GLP2R: variants seen among roughly 807,000 people sequenced by gnomAD.
GLP2R encodes glucagon-like peptide 2 receptor.
In GLP2R, 59 loss-of-function variants were observed where a neutral mutation model predicts 68.2. That is an observed-to-expected ratio of 0.87 (90% CI 0.70 to 1.07). GLP2R has a LOEUF of 1.07. Among genes scored for constraint, GLP2R ranks in the 50% least tolerant of loss-of-function variants. The pLI is 0.00. For missense variants in GLP2R, 548 were observed against 677.4 expected (o/e 0.81, Z 2.12); for synonymous variants, 270 against 265.4 (o/e 1.02, Z -0.17).
At chr17:9,846,974 A>G (rs1014429814) in intron 4 of GLP2R, among the ~76,000 whole-genome samples, 4 of 152,204 alleles carry the variant, frequency 2.6e-5, no homozygotes, top group Non-Finnish European at 5.9e-5. Flanking sequence ...AATGTTAACA[A>G]CAGGCTCCCT....
Position 9,825,967 on chromosome 17 carries a change from C to T in GLP2R, c.-97C>T. On this transcript the variant is annotated 5_prime_UTR_variant, in exon 1 of 13. Coordinates refer to ENST00000262441, the MANE Select transcript of GLP2R (RefSeq NM_004246.3). ...GTGGAGAGGATTTGTGCAAACATTT[C>T]CTCTGTGGACCAAGAGGAATGCAAG... The T allele has an allele frequency of 1.0e-6, 1 of 1,001,236 alleles. No individual in the cohort carries two copies. Among genetic ancestry groups the T allele is most frequent in the Non-Finnish European group, 1.5e-6 (1 of 668,804 alleles). The allele number at this position is 1,001,236 out of a possible 1,614,324, so 62.0% of individuals were successfully genotyped here. A position where few individuals can be genotyped will look rare whatever the true frequency, so the allele number is the denominator to read the frequency against.
chr17:9,888,714 G>C (rs1354925773), intron 12 of GLP2R, among the ~76,000 whole-genome samples: 1 of 152,170 alleles, frequency 6.6e-6, no homozygotes, highest in African/African-American at 2.4e-5. Context: ...TAATCCACCT[G>C]CTTCAGCCTC....
At chr17:9,869,809 C>T (rs2067075962) in intron 9 of GLP2R, among the ~76,000 whole-genome samples, 1 of 152,186 alleles carries the variant, frequency 6.6e-6, no homozygotes, top group South Asian at 2.1e-4. Flanking sequence ...TCACATAGCA[C>T]CACTTCTATG....
At position 9,889,700 on chromosome 17, in the gene GLP2R, A is replaced by G. The variant is rs964122904; in HGVS notation, c.1657A>G (p.Ile553Val). The G allele has an allele frequency of 1.9e-6, 3 of 1,547,982 alleles. No individual in the cohort carries two copies. The East Asian group carries it at 7.2e-5, about 37-fold the overall frequency. Residue 553 changes from isoleucine (I) to valine (V), a missense_variant, in exon 13 of 13, where the codon ATC becomes GTC. By Grantham distance (29) the Ile-to-Val change is conservative (BLOSUM62 3). Transcript: ENST00000262441. Reference protein sequence around the residue: ...TMEEILEESEI With the variant: ...TMEEILEESEV The stretch of plus-strand genomic sequence containing the variant: ...GGAGGAGATTCTGGAAGAGAGTGAG[A>G]TCTAGGGTGGAGTTCCACCACCCTG...
chr17:9,873,377 C>A (rs1035688644), intron 10 of GLP2R, among the ~76,000 whole-genome samples: 31 of 152,074 alleles, frequency 2.0e-4, no homozygotes, highest in Non-Finnish European at 4.3e-4. Flanking sequence ...TTCATCATAG[C>A]TCCTCATCAG....
intron 7 of GLP2R, among the ~76,000 whole-genome samples, chr17:9,860,879 T>C (rs2066981469): frequency 6.6e-6 from 1 of 152,180 alleles, no homozygotes; most frequent in Admixed American, 6.5e-5. Context: ...GAGATTCGGG[T>C]TAATATCCTT....
At chr17:9,834,870 G>A (rs2066712703) in intron 2 of GLP2R, 1 of 152,166 alleles carries the variant, frequency 6.6e-6, no homozygotes, top group Non-Finnish European at 1.5e-5. Context: ...GGTAAGGCAG[G>A]CTTTCATCCA....
intron 2 of GLP2R, among the ~76,000 whole-genome samples, chr17:9,835,084 A>G (rs578044039): frequency 7.5e-6 from 1 of 133,384 alleles, no homozygotes; most frequent in African/African-American, 2.9e-5. Context: ...GCTGGAGTGC[A>G]GTGGCGCGAT....
intron 9 of GLP2R, among the ~76,000 whole-genome samples, chr17:9,869,908 C>T (rs1459252231): frequency 6.6e-6 from 1 of 152,182 alleles, no homozygotes; most frequent in Non-Finnish European, 1.5e-5. Context: ...CTTTTGAAGG[C>T]AGAAGGGCCA....
At position 9,836,402 on chromosome 17, in the gene GLP2R, C is replaced by T. The variant is rs145472633; in HGVS notation, c.309C>T (p.Tyr103=). The T allele has an allele frequency of 6.6e-5, 106 of 1,610,728 alleles. No homozygotes were observed. Among genetic ancestry groups the T allele is most frequent in the Middle Eastern group, 1.6e-4 (1 of 6,076 alleles). Residue 103 remains tyrosine, a synonymous_variant, in exon 3 of 13, where the codon TAC becomes TAT. Coordinates refer to ENST00000262441, the MANE Select transcript of GLP2R (RefSeq NM_004246.3). The part of the protein sequence containing the change: ...GIFCNGTFDQ[Y]VCWPHSSPGN... ...TTTGTAACGGGACATTTGATCAGTA[C>T]GTGTGTTGGCCTCATTCTTCTCCTG... is the stretch of plus-strand genomic sequence containing the variant.
At chr17:9,858,662 T>C (rs2066955849) in intron 6 of GLP2R, among the ~76,000 whole-genome samples, 1 of 152,248 alleles carries the variant, frequency 6.6e-6, no homozygotes, top group African/African-American at 2.4e-5. Flanking sequence ...ACGAATCTAA[T>C]ATCCAGATTC....
At chr17:9,871,290 G>A (rs1443767549) in intron 10 of GLP2R, among the ~76,000 whole-genome samples, 1 of 151,456 alleles carries the variant, frequency 6.6e-6, no homozygotes, top group Non-Finnish European at 1.5e-5. Context: ...GAAGGTCGAG[G>A]CTGCAGTGAG....
chr17:9,865,500 T>G (rs1038524236), intron 9 of GLP2R, among the ~76,000 whole-genome samples: 4 of 152,194 alleles, frequency 2.6e-5, no homozygotes, highest in Non-Finnish European at 4.4e-5. Context: ...GATCTGGTTC[T>G]AAACTCCTTA....
At chr17:9,884,018 A>G (rs1186728864) in intron 11 of GLP2R, among the ~76,000 whole-genome samples, 1 of 152,242 alleles carries the variant, frequency 6.6e-6, no homozygotes, top group African/African-American at 2.4e-5. Flanking sequence ...ATTGTATAAA[A>G]TAATAACTAT....
At chr17:9,827,576 C>T (rs559527520) in intron 1 of GLP2R, among the ~76,000 whole-genome samples, 47 of 152,246 alleles carry the variant, frequency 3.1e-4, no homozygotes, top group African/African-American at 1.1e-3. Flanking sequence ...GTCCTCTTTC[C>T]AAGTTTCCAT....
chr17:9,839,983 C>CTTT lies in GLP2R; in HGVS notation c.383-2499_383-2497dup, dbSNP rs11387395. 1.4e-3 allele frequency among the ~76,000 whole-genome samples: 195 copies of CTTT among 139,356 alleles called. 3 individuals carry two copies. The highest frequency in any genetic ancestry group is 4.8e-3 in the African/African-American group (180 of 37,674). 91.4% of individuals were successfully genotyped at this position (139,356 alleles called of 152,430 possible). A position where few individuals can be genotyped will look rare whatever the true frequency, so the allele number is the denominator to read the frequency against. ...TCTCCCCTCTGCCTTTCTGAAGCCT[C>CTTT]TTTTTTTTTTTTTTTGGAGACAGAG... On this transcript the variant is annotated intron_variant, in intron 3 of 12. Transcript: ENST00000262441.
intron 2 of GLP2R, 77 bp downstream of exon 2, chr17:9,833,971 C>T (rs1268401314): frequency 1.3e-5 from 11 of 873,656 alleles, no homozygotes; most frequent in East Asian, 2.5e-5. Context: ...AATAACTAGT[C>T]ACTTATTACT....
At chr17:9,873,571 T>TTTTTTTTTTTTTTTG in intron 10 of GLP2R, among the ~76,000 whole-genome samples, 1 of 143,440 alleles carries the variant, frequency 7.0e-6, no homozygotes, top group African/African-American at 2.6e-5. Flanking sequence ...TTTTTTTTTT[T>TTTTTTTTTTTTTTTG]TTTTTTTTAG....
At chr17:9,863,579 C>T (rs2067006398) in intron 9 of GLP2R, among the ~76,000 whole-genome samples, 1 of 152,170 alleles carries the variant, frequency 6.6e-6, no homozygotes, top group Admixed American at 6.5e-5. Context: ...CTCTTTTGCA[C>T]CTTAGTACCT....
Sources: gnomAD v4.1 joint callset for allele counts (sites outside exome capture counted in the v4.1 genomes callset) on GRCh38, gnomAD v4.1.1 for gene constraint, MANE v1.5 for transcripts, NCBI Gene and HGNC (gene_info 2026-07-23, HGNC 2026-07-21) for gene names.